Variants in CLDN14 observed in about 807,000 individuals in gnomAD.
The protein encoded by CLDN14 is claudin 14.
Under a neutral mutation model 2.1 loss-of-function variants are expected in CLDN14, and 2 were observed. The ratio of observed to expected loss-of-function variants is 0.96; its 90% CI spans 0.39 to 3.01. CLDN14 has a LOEUF of 3.01. CLDN14 is among the 30% of genes most tolerant of loss of function. CLDN14 has a pLI of 0.09. For missense variants in CLDN14, 298 were observed against 328.0 expected, an observed-to-expected ratio of 0.91 and a Z score of 0.71; for synonymous variants, 136 against 154.4, an observed-to-expected ratio of 0.88 and a Z score of 0.88.
intron 1 of CLDN14, among the ~76,000 whole-genome samples, chr21:36,475,135 C>T (rs1389383707): frequency 2.6e-5 from 4 of 152,124 alleles, no homozygotes; most frequent in East Asian, 1.9e-4. Context: ...ACTATCACGC[C>T]GGACAGCCTT....
chr21:36,484,018 C>T (rs974705290), upstream of CLDN14, among the ~76,000 whole-genome samples: 3 of 152,172 alleles, frequency 2.0e-5, no homozygotes, highest in Admixed American at 6.5e-5. Context: ...GGGCAGTCTC[C>T]GCCCTTCACT....
In CLDN14 at chr21:36,499,879, G is replaced by T. The variant is rs1023204173; in HGVS notation, c.-82+10484C>A. ...AGCAACATTTTCACAACATCAGGGGGCTGGTGGAGAAAATCGGGGGGTCTC... is the reference window on the plus strand; with the variant it reads ...AGCAACATTTTCACAACATCAGGGGTCTGGTGGAGAAAATCGGGGGGTCTC... On this transcript the variant is annotated intron_variant, in intron 2 of 2. Coordinates refer to the CLDN14 transcript ENST00000342108. The surrounding 1 kb of genome is among the most constrained non-coding windows in gnomAD (Gnocchi z 4.7). Among the ~76,000 whole-genome samples, 1 of 152,134 alleles carries T rather than the reference G, an allele frequency of 6.6e-6. No homozygotes were observed. The highest frequency in any genetic ancestry group is 1.5e-5 in the Non-Finnish European group (1 of 68,030).
intron 1 of CLDN14, among the ~76,000 whole-genome samples, chr21:36,567,380 G>C (rs2087680710): frequency 6.6e-6 from 1 of 152,240 alleles, no homozygotes; most frequent in Non-Finnish European, 1.5e-5. Flanking sequence ...GGGCCCAAGA[G>C]CTCCAAGGGG....
At chr21:36,521,744 G>A (rs544744285) in intron 1 of CLDN14, among the ~76,000 whole-genome samples, 39 of 152,308 alleles carry the variant, frequency 2.6e-4, no homozygotes, top group African/African-American at 9.1e-4. Context: ...ACCACCTGAT[G>A]CAGAGATAAC....
At chr21:36,557,698 T>C (rs1402001049) in intron 1 of CLDN14, among the ~76,000 whole-genome samples, 1 of 152,228 alleles carries the variant, frequency 6.6e-6, no homozygotes, top group Non-Finnish European at 1.5e-5. Context: ...CCCCATCAGA[T>C]ACATTATTTG....
chr21:36,482,403 T>TGGAA (rs2086855724), upstream of CLDN14, among the ~76,000 whole-genome samples: 1 of 137,008 alleles, frequency 7.3e-6, no homozygotes, highest in African/African-American at 2.9e-5. Flanking sequence ...GATGGATGGA[T>TGGAA]GGATAGACGG....
At chr21:36,481,123 A>G (rs564611462), upstream of CLDN14, 2 of 152,344 alleles carry the variant, frequency 1.3e-5, no homozygotes, top group East Asian at 1.9e-4. Flanking sequence ...TTATAGGCCC[A>G]GATCCTCTAT....
chr21:36,473,433 C>G (rs2086734670), intron 1 of CLDN14, among the ~76,000 whole-genome samples: 1 of 152,238 alleles, frequency 6.6e-6, no homozygotes, highest in Non-Finnish European at 1.5e-5. Context: ...TCATGCAAGC[C>G]AATTCCTTAG....
At position 36,526,701 on chromosome 21, in the gene CLDN14, G is replaced by C. The variant is rs183834077; in HGVS notation, c.-219-16201C>G. On this transcript the variant is annotated intron_variant, in intron 1 of 2. Transcript: ENST00000342108. ...ACTTTAAATCCCACCAGGCAACCAC[G>C]GGCACTTCACACTCCTGAGGTAGGC... is the stretch of plus-strand genomic sequence containing the variant. Among the ~76,000 whole-genome samples, 148 of 152,232 alleles carry C rather than the reference G, an allele frequency of 9.7e-4. 1 individual carries two copies. Among genetic ancestry groups the C allele is most frequent in the African/African-American group, 3.4e-3 (141 of 41,548 alleles).
intron 2 of CLDN14, among the ~76,000 whole-genome samples, chr21:36,494,926 G>GT (rs2087002382): frequency 1.3e-5 from 2 of 152,342 alleles, no homozygotes; most frequent in East Asian, 3.9e-4. Context: ...GTAGACATCT[G>GT]TATCCAGACG....
intron 1 of CLDN14, among the ~76,000 whole-genome samples, chr21:36,546,495 C>T (rs891182045): frequency 2.0e-5 from 3 of 152,130 alleles, no homozygotes; most frequent in Non-Finnish European, 4.4e-5. Context: ...TCAAATCCAC[C>T]CCTAGCAAAA....
intron 1 of CLDN14, among the ~76,000 whole-genome samples, chr21:36,478,000 G>C (rs934504717): frequency 2.0e-5 from 3 of 152,202 alleles, no homozygotes; most frequent in African/African-American, 7.2e-5. Flanking sequence ...CACTAGCCTT[G>C]AAAACAGACT....
chr21:36,548,051 C>T (rs1601632972), intron 1 of CLDN14, among the ~76,000 whole-genome samples: 1 of 152,132 alleles, frequency 6.6e-6, no homozygotes, highest in Non-Finnish European at 1.5e-5. Context: ...CTCTGGCTCC[C>T]GGGCTTTTTG....
At chr21:36,571,049 T>C (rs1330774123) in intron 1 of CLDN14, among the ~76,000 whole-genome samples, 1 of 152,042 alleles carries the variant, frequency 6.6e-6, no homozygotes, top group African/African-American at 2.4e-5. Flanking sequence ...ACCATGTTGG[T>C]CAGGCTGGTC....
intron 1 of CLDN14, among the ~76,000 whole-genome samples, chr21:36,539,851 G>T (rs556986772): frequency 1.5e-4 from 22 of 151,438 alleles, no homozygotes; most frequent in Admixed American, 4.6e-4. Flanking sequence ...TGTGTGCAGA[G>T]TGAGTGTGTG....
At position 36,554,124 on chromosome 21, in the gene CLDN14, G is replaced by A. The variant is rs146266633; in HGVS notation, c.-220+22287C>T. On this transcript the variant is annotated intron_variant, in intron 1 of 2. Transcript: ENST00000342108. ...GTTCCCCAGTAAGCCACCCTTTACT[G>A]ACAAACTGGATGTGTCTGCCTTGTT... Among the ~76,000 whole-genome samples, 285 of 152,170 alleles carry A rather than the reference G, an allele frequency of 1.9e-3. 1 individual carries two copies. Among genetic ancestry groups the A allele is most frequent in the African/African-American group, 6.2e-3 (256 of 41,514 alleles).
rs186100580 is a variant in CLDN14 at position 36,543,994 on chromosome 21, T to C, written c.-220+32417A>G. ...TGAGTCAGCTCAGGATCCCCAAGGC[T>C]GCAGCCAGGGAAGCCTGTGTCATGG... On this transcript the variant is annotated intron_variant, in intron 1 of 2. Transcript: ENST00000342108. 2.0e-3 allele frequency among the ~76,000 whole-genome samples: 299 copies of C among 152,330 alleles called. 1 individual carries two copies. Among genetic ancestry groups the C allele is most frequent in the African/African-American group, 6.5e-3 (269 of 41,580 alleles).
chr21:36,462,942 C>CA (rs199909665), intron 1 of CLDN14, among the ~76,000 whole-genome samples: 348 of 71,796 alleles, frequency 4.8e-3, no homozygotes, highest in African/African-American at 0.021. Flanking sequence ...AGCAAACAAA[C>CA]AAAAAAAAAC....
intron 2 of CLDN14, among the ~76,000 whole-genome samples, chr21:36,493,058 T>A (rs777427969): frequency 6.6e-6 from 1 of 152,190 alleles, no homozygotes; most frequent in African/African-American, 2.4e-5. Context: ...TTGAAGACCA[T>A]GAGCAGGACA....
Sources: allele counts gnomAD v4.1 joint callset (sites outside exome capture counted in the v4.1 genomes callset), GRCh38; gene constraint gnomAD v4.1.1; non-coding constraint Gnocchi (gnomAD v3.1); transcripts MANE v1.5; gene names NCBI Gene and HGNC (gene_info 2026-07-23, HGNC 2026-07-21).